IL1RAPL1: variants seen among roughly 807,000 people sequenced by gnomAD.
IL1RAPL1 encodes the protein interleukin 1 receptor accessory protein like 1, also known as interleukin-1 receptor accessory protein-like 1.
A neutral mutation model predicts 48.4 loss-of-function variants in IL1RAPL1; 3 were observed. The observed-to-expected ratio is 0.06, with a 90% CI of 0.03 to 0.16. IL1RAPL1 has a LOEUF of 0.16. Among genes scored for constraint, IL1RAPL1 ranks in the 10% least tolerant of loss-of-function variants. The pLI is 1.00. For missense variants in IL1RAPL1, 349 were observed against 530.6 expected (o/e 0.66, Z 3.36); for synonymous variants, 185 against 187.7 (o/e 0.99, Z 0.12).
At chrX:29,220,724 C>A (rs1930957742) in intron 2 of IL1RAPL1, among the ~76,000 whole-genome samples, 5 of 111,695 alleles carry the variant, frequency 4.5e-5, no homozygotes. Flanking sequence ...TTTTAAAAAG[C>A]TGTAAATTAA....
chrX:29,134,664 C>A lies in IL1RAPL1; in HGVS notation c.83-148274C>A, dbSNP rs757775818. Among the ~76,000 whole-genome samples, 9 of 111,237 alleles carry A rather than the reference C, an allele frequency of 8.1e-5. 1 individual carries two copies. The South Asian group carries it at 3.4e-3, about 42-fold the overall frequency. On this transcript the variant is annotated intron_variant, in intron 2 of 10. Coordinates refer to ENST00000378993, the MANE Select transcript of IL1RAPL1 (RefSeq NM_014271.4). ...TGCCTCTCTAGTGTCTAGCATAAAT[C>A]CCTCAGGACTCAAAAAGTGGTATTA...
intron 6 of IL1RAPL1, among the ~76,000 whole-genome samples, chrX:29,876,583 G>A (rs1438668721): frequency 7.2e-5 from 8 of 111,170 alleles, no homozygotes; most frequent in Non-Finnish European, 1.3e-4. Context: ...TTGTGAACCA[G>A]AATCTGCCAA....
intron 2 of IL1RAPL1, among the ~76,000 whole-genome samples, chrX:28,819,819 A>G (rs2147280574): frequency 9.4e-6 from 1 of 106,323 alleles, no homozygotes; most frequent in African/African-American, 3.4e-5. Context: ...TGTATATGTA[A>G]CATTAAGAAT....
chrX:29,885,217 T>TAAG (rs1352646553), intron 6 of IL1RAPL1, among the ~76,000 whole-genome samples: 1 of 111,812 alleles, frequency 8.9e-6, no homozygotes, highest in Non-Finnish European at 1.9e-5. Context: ...CACCTCCAAG[T>TAAG]TTTTTCTCAA....
intron 2 of IL1RAPL1, among the ~76,000 whole-genome samples, chrX:28,926,436 C>T (rs1396162615): frequency 1.8e-5 from 2 of 109,448 alleles, no homozygotes; most frequent in African/African-American, 6.7e-5. Flanking sequence ...AACAAGAGTA[C>T]TTAGTAAGAA....
chrX:29,885,012 C>G (rs992789499), intron 6 of IL1RAPL1, among the ~76,000 whole-genome samples: 2 of 108,738 alleles, frequency 1.8e-5, no homozygotes, highest in African/African-American at 7.1e-5. Flanking sequence ...CAATGATCTA[C>G]AAGGCCCAAT....
rs201309320 is a variant in IL1RAPL1, at chrX:28,704,796, T to TCA, written c.-24-84489_-24-84488dup. On this transcript the variant is annotated intron_variant, in intron 1 of 10. Coordinates refer to ENST00000378993, the MANE Select transcript of IL1RAPL1 (RefSeq NM_014271.4). ...CAGCGGCAAGTTGGCAGGTTTGAGT[T>TCA]CACACACACACACACACACACACAC... 4.0e-3 allele frequency among the ~76,000 whole-genome samples: 203 copies of TCA among 50,575 alleles called. 2 individuals carry two copies. The highest frequency in any genetic ancestry group is 9.2e-3 in the East Asian group (11 of 1,192). The allele number at this position is 50,575 out of a possible 115,157, so 43.9% of individuals were successfully genotyped here.
intron 2 of IL1RAPL1, among the ~76,000 whole-genome samples, chrX:29,238,561 G>A (rs12558805): frequency 0.21 from 23,536 of 109,809 alleles, 2,931 homozygotes; most frequent in African/African-American, 0.45. Flanking sequence ...CTGTTTACTC[G>A]ATTACATCTG....
chrX:28,711,667 G>T (rs759320503), intron 1 of IL1RAPL1, among the ~76,000 whole-genome samples: 4 of 108,272 alleles, frequency 3.7e-5, no homozygotes, highest in East Asian at 2.9e-4. Context: ...TTACCATTAC[G>T]TAGGAGAATT....
chrX:29,104,966 A>G (rs992946145), intron 2 of IL1RAPL1, among the ~76,000 whole-genome samples: 1 of 111,730 alleles, frequency 9.0e-6, no homozygotes, highest in Non-Finnish European at 1.9e-5. Flanking sequence ...GGGGAAATAC[A>G]AAAACCTGGG....
At chrX:29,176,260 ATT>A (rs779013148) in intron 2 of IL1RAPL1, among the ~76,000 whole-genome samples, 2 of 90,870 alleles carry the variant, frequency 2.2e-5, no homozygotes, top group African/African-American at 4.0e-5. Flanking sequence ...CGCCTGGCTA[ATT>A]TTTTTTTTTT....
chrX:29,621,577 T>C (rs1924464566), intron 5 of IL1RAPL1, among the ~76,000 whole-genome samples: 1 of 111,395 alleles, frequency 9.0e-6, no homozygotes, highest in Non-Finnish European at 1.9e-5. Context: ...CTGTTCATAC[T>C]TATGGGAGAA....
At chrX:28,896,298 T>C (rs1319196308) in intron 2 of IL1RAPL1, among the ~76,000 whole-genome samples, 2 of 111,910 alleles carry the variant, frequency 1.8e-5, no homozygotes, top group Non-Finnish European at 3.8e-5. Context: ...TTATTTAATG[T>C]CAGGAGCGGA....
At chrX:28,988,246 C>A (rs905890380) in intron 2 of IL1RAPL1, among the ~76,000 whole-genome samples, 1 of 111,470 alleles carries the variant, frequency 9.0e-6, no homozygotes, top group Non-Finnish European at 1.9e-5. Context: ...TTATTTGTTA[C>A]ACATATGGGT....
intron 5 of IL1RAPL1, among the ~76,000 whole-genome samples, chrX:29,567,004 A>G (rs1246690807): frequency 4.5e-5 from 5 of 111,487 alleles, no homozygotes; most frequent in African/African-American, 1.6e-4. Context: ...CTAACTGATT[A>G]TTCATAAGAA....
intron 5 of IL1RAPL1, among the ~76,000 whole-genome samples, chrX:29,414,892 C>T (rs1368394408): frequency 9.0e-6 from 1 of 111,266 alleles, no homozygotes. Context: ...TACAGAGTCT[C>T]TGGTGTGGAA....
At chrX:29,338,061 C>T (rs746652798) in intron 3 of IL1RAPL1, among the ~76,000 whole-genome samples, 17 of 111,809 alleles carry the variant, frequency 1.5e-4, no homozygotes, top group African/African-American at 5.2e-4. Flanking sequence ...GACTGAGCAT[C>T]TTAAGGACAT....
intron 3 of IL1RAPL1, among the ~76,000 whole-genome samples, chrX:29,323,777 A>G (rs1355174024): frequency 1.9e-5 from 1 of 51,788 alleles, no homozygotes; most frequent in African/African-American, 7.3e-5. Context: ...ATATATATAT[A>G]TATATATCCC....
In IL1RAPL1 at chrX:28,937,777, A is replaced by G. The variant is rs1924055955; in HGVS notation, c.82+148352A>G. 2.7e-5 allele frequency among the ~76,000 whole-genome samples: 3 copies of G among 111,514 alleles called. No individual in the cohort carries two copies. In the Admixed American group the frequency reaches 2.9e-4, roughly 11 times the overall value. On this transcript the variant is annotated intron_variant, in intron 2 of 10. Coordinates refer to ENST00000378993, the MANE Select transcript of IL1RAPL1 (RefSeq NM_014271.4). ...CATGATTCTATATCTAGAAAACCCT[A>G]TAGTTTTGTCCCCAAAGCTCCTTCA... is the stretch of plus-strand genomic sequence containing the variant.
Sources: gnomAD v4.1 joint callset for allele counts (sites outside exome capture counted in the v4.1 genomes callset) on GRCh38, gnomAD v4.1.1 for gene constraint, MANE v1.5 for transcripts, NCBI Gene and HGNC (gene_info 2026-07-23, HGNC 2026-07-21) for gene names.